FRMPD2: variants seen among roughly 807,000 people sequenced by gnomAD.
The protein encoded by FRMPD2 is FERM and PDZ domain containing 2, also known as FERM and PDZ domain-containing protein 2.
FRMPD2 carries 96 observed loss-of-function variants against 140.1 expected under a neutral mutation model. The observed-to-expected ratio is 0.69, with a 90% CI of 0.58 to 0.81. The LOEUF is 0.81. Ranked by LOEUF, FRMPD2 falls within the 40% of genes least tolerant of loss-of-function variation. The pLI, the probability that FRMPD2 is intolerant of heterozygous loss-of-function variation, is 0.00. For synonymous variants in FRMPD2, 449 were observed against 547.6 expected (o/e 0.82, Z 2.52); for missense variants, 1,240 against 1,447.4 (o/e 0.86, Z 2.32).
chr10:48,268,988 T>A (rs1840722117), intron 1 of FRMPD2, among the ~76,000 whole-genome samples: 1 of 152,138 alleles, frequency 6.6e-6, no homozygotes, highest in African/African-American at 2.4e-5. Flanking sequence ...TAAACAAAAA[T>A]ATGCAACAGA....
At chr10:48,238,640 A>T (rs554704822) in intron 7 of FRMPD2, among the ~76,000 whole-genome samples, 2 of 152,228 alleles carry the variant, frequency 1.3e-5, no homozygotes, top group African/African-American at 4.8e-5. Context: ...ATCAACTATG[A>T]CAAGACACTG....
intron 20 of FRMPD2, among the ~76,000 whole-genome samples, chr10:48,183,407 C>T (rs1377225679): frequency 6.6e-6 from 1 of 152,192 alleles, no homozygotes; most frequent in Non-Finnish European, 1.5e-5. Context: ...CCGATAAAAA[C>T]AATAGTATTT....
In FRMPD2 at chr10:48,185,813, T is replaced by G. The variant is rs1031508337; in HGVS notation, c.2267-168A>C. Among the ~76,000 whole-genome samples the G allele has an allele frequency of 2.0e-5, 3 of 152,322 alleles. No individual in the cohort carries two copies. The East Asian group carries it at 5.8e-4, about 29-fold the overall frequency. ...TTTAATCTCCCAGCAGTGCTGGGAA[T>G]GGACACCTGAACACACACTCACATG... On this transcript the variant is annotated intron_variant, in intron 17 of 28. Coordinates refer to ENST00000374201, the MANE Select transcript of FRMPD2 (RefSeq NM_001018071.4).
At chr10:48,210,702 A>G (rs914262366) in intron 13 of FRMPD2, among the ~76,000 whole-genome samples, 12 of 152,226 alleles carry the variant, frequency 7.9e-5, no homozygotes, top group African/African-American at 2.9e-4. Flanking sequence ...ATGCTTCGCC[A>G]GTGCTTCTCA....
chr10:48,183,396 C>G (rs564606406), intron 20 of FRMPD2, among the ~76,000 whole-genome samples: 12 of 152,236 alleles, frequency 7.9e-5, no homozygotes, highest in Middle Eastern at 6.8e-3. Context: ...CAAGCTTGGT[C>G]CCGATAAAAA....
At chr10:48,244,889 T>C (rs377749030) in intron 3 of FRMPD2, 40 bp from the exon 4 acceptor site, 5 of 1,416,260 alleles carry the variant, frequency 3.5e-6, no homozygotes, top group Non-Finnish European at 5.0e-6. Context: ...TTCAATCATC[T>C]CTGTTATTCC....
chr10:48,274,658 T>A lies in FRMPD2; in HGVS notation c.-91A>T. The A allele has an allele frequency of 1.6e-6, 2 of 1,219,026 alleles. No homozygotes were observed. Among genetic ancestry groups the A allele is most frequent in the Non-Finnish European group, 2.4e-6 (2 of 829,310 alleles). 75.5% of individuals were successfully genotyped at this position (1,219,026 alleles called of 1,614,324 possible). On this transcript the variant is annotated 5_prime_UTR_variant, in exon 1 of 29. Coordinates refer to ENST00000374201, the MANE Select transcript of FRMPD2 (RefSeq NM_001018071.4). The stretch of plus-strand genomic sequence containing the variant: ...TCTCTTGCAAGTCTGTCCGCGGAGC[T>A]CCCTGCCACCAGCACTGTTGCCGCT...
intron 1 of FRMPD2, among the ~76,000 whole-genome samples, chr10:48,259,575 C>A (rs1028587717): frequency 2.6e-5 from 4 of 151,804 alleles, no homozygotes; most frequent in Admixed American, 6.6e-5. Context: ...GTAATGTATT[C>A]TTAATCTGTT....
chr10:48,217,290 A>G (rs1309869216), intron 12 of FRMPD2, among the ~76,000 whole-genome samples: 1 of 152,096 alleles, frequency 6.6e-6, no homozygotes, highest in East Asian at 1.9e-4. Context: ...AGACAAAAAC[A>G]CCCTTACCCT....
At position 48,236,336 on chromosome 10, in the gene FRMPD2, A is replaced by G. The variant is rs1173837506; in HGVS notation, c.993+146T>C. The stretch of plus-strand genomic sequence containing the variant: ...AGGGAAAACAGCAGCAGTGGGAGGC[A>G]GTGATGGTTCTGGCAGAGGTCTGGG... On this transcript the variant is annotated intron_variant, in intron 9 of 28. Transcript: ENST00000374201. The G allele has an allele frequency of 2.0e-5, 14 of 694,238 alleles. No individual in the cohort carries two copies. In the East Asian group the frequency reaches 3.7e-4, roughly 19 times the overall value. The allele number at this position is 694,238 out of a possible 1,614,324, so 43.0% of individuals were successfully genotyped here. A position where few individuals can be genotyped will look rare whatever the true frequency, so the allele number is the denominator to read the frequency against.
chr10:48,178,446 T>C (rs1554792356), intron 21 of FRMPD2, among the ~76,000 whole-genome samples: 2 of 152,226 alleles, frequency 1.3e-5, no homozygotes, highest in African/African-American at 2.4e-5. Flanking sequence ...TCTTTTGTCC[T>C]GTCTGCCCCC....
chr10:48,238,250 ACC>A, intron 7 of FRMPD2, 127 bp from the exon 8 acceptor site: 2 of 942,602 alleles, frequency 2.1e-6, no homozygotes, highest in Non-Finnish European at 3.1e-6. Context: ...CTTCTCCCCC[ACC>A]TATGGGGGAG....
At chr10:48,220,254 A>G (rs111291879) in intron 12 of FRMPD2, among the ~76,000 whole-genome samples, 1 of 152,230 alleles carries the variant, frequency 6.6e-6, no homozygotes. Flanking sequence ...AGACCAATGG[A>G]ACAAAATAGA....
chr10:48,201,185 C>A (rs1185340380), intron 15 of FRMPD2, 43 bp downstream of exon 15: 1 of 1,455,592 alleles, frequency 6.9e-7, no homozygotes, highest in South Asian at 1.5e-5. Context: ...TATGAAATAA[C>A]AAACTTGTCA....
chr10:48,160,311 T>C (rs1370333246), intron 28 of FRMPD2, among the ~76,000 whole-genome samples: 5 of 151,726 alleles, frequency 3.3e-5, no homozygotes, highest in Non-Finnish European at 5.9e-5. Context: ...TCGAATCTTG[T>C]CCATGAACAC....
chr10:48,236,526 C>T lies in FRMPD2; in HGVS notation c.949G>A (p.Ala317Thr), dbSNP rs1839972100. The T allele has an allele frequency of 1.2e-6, 2 of 1,614,104 alleles. No homozygotes were observed. Among genetic ancestry groups the T allele is most frequent in the African/African-American group, 1.3e-5 (1 of 74,942 alleles). Residue 317 changes from alanine to threonine, a missense_variant, in exon 9 of 29, where the codon GCT becomes ACT. This residue lies in a region of FRMPD2 where 1,161 missense variants were observed against 1,055.9 expected (regional missense o/e 1.10). Coordinates refer to ENST00000374201, the MANE Select transcript of FRMPD2 (RefSeq NM_001018071.4). ...KFSRPEFILL[A>T]GEAPMTLHLP... ...TGTAGTGTCATCGGGGCCTCTCCAG[C>T]CAACAGGATGAACTCTGGCCTGGAA...
intron 21 of FRMPD2, among the ~76,000 whole-genome samples, chr10:48,179,967 G>A (rs1489554170): frequency 3.3e-4 from 50 of 152,374 alleles, no homozygotes; most frequent in Non-Finnish European, 1.2e-4. Flanking sequence ...AACACTGGGT[G>A]CTGTGACCAC....
chr10:48,243,648 GT>G (rs1336666130), intron 4 of FRMPD2, among the ~76,000 whole-genome samples: 1 of 152,220 alleles, frequency 6.6e-6, no homozygotes, highest in Non-Finnish European at 1.5e-5. Flanking sequence ...GGCTCCAGGT[GT>G]GTCTCACTGA....
At chr10:48,209,701 A>G (rs1221467887) in intron 13 of FRMPD2, among the ~76,000 whole-genome samples, 1 of 152,228 alleles carries the variant, frequency 6.6e-6, no homozygotes, top group Non-Finnish European at 1.5e-5. Flanking sequence ...GTGTCTTAGC[A>G]ATATATATCA....
Sources: allele counts gnomAD v4.1 joint callset (sites outside exome capture counted in the v4.1 genomes callset), GRCh38; gene constraint gnomAD v4.1.1; regional missense constraint gnomAD v4.1.1; transcripts MANE v1.5; gene names NCBI Gene and HGNC (gene_info 2026-07-23, HGNC 2026-07-21).